The following AP3D1 variants were observed in gnomAD, a reference collection of about 807,000 sequenced individuals.
AP3D1 encodes the protein adaptor related protein complex 3 subunit delta 1.
AP3D1 carries 51 observed loss-of-function variants against 147.6 expected under a neutral mutation model. The ratio of observed to expected loss-of-function variants is 0.35; its 90% confidence interval spans 0.28 to 0.44. The LOEUF is 0.44. Among genes scored for constraint, AP3D1 ranks in the 20% least tolerant of loss-of-function variants. The pLI is 1.00. For synonymous variants in AP3D1, 760 were observed against 663.0 expected, an observed-to-expected ratio of 1.15 and a Z score of -2.25; for missense variants, 1,421 against 1,624.2, an observed-to-expected ratio of 0.87 and a Z score of 2.15.
intron 3 of AP3D1, 94 bp downstream of exon 3, chr19:2,137,633 C>A: frequency 1.8e-6 from 2 of 1,098,890 alleles, no homozygotes. Flanking sequence ...TAGACTCTGT[C>A]TCAAGAATAA....
chr19:2,118,735 C>T lies in AP3D1; in HGVS notation c.1579G>A (p.Val527Ile), dbSNP rs746784351. 3.1e-6 allele frequency: 5 copies of T among 1,613,766 alleles called. No individual in the cohort carries two copies. The South Asian group carries it at 5.5e-5, about 18-fold the overall frequency. The change falls in exon 15 of 32, where the codon GTC (valine) becomes ATC (isoleucine). Residue 527 changes from valine (V) to isoleucine (I), a missense_variant. Around this residue, in one of 6 missense-constraint regions of AP3D1, gnomAD observed 310 missense variants for 388.1 expected, o/e 0.80. Transcript: ENST00000643116. Reference protein sequence around the residue: ...HIQAVYVQNVVKLYASILQQK... With the variant: ...HIQAVYVQNVIKLYASILQQK... ...TGCAGGATGGAGGCGTAGAGCTTGA[C>T]CACGTTCTGCACATACACGGCCTGG... is the stretch of plus-strand genomic sequence containing the variant.
intron 23 of AP3D1, 42 bp from the exon 24 acceptor site, chr19:2,113,009 G>C: frequency 1.3e-6 from 2 of 1,521,788 alleles, no homozygotes; most frequent in Non-Finnish European, 1.8e-6. Flanking sequence ...GGGCAATGAG[G>C]GGCCCCACTC....
chr19:2,103,221 A>T (rs1042846861), intron 31 of AP3D1, among the ~76,000 whole-genome samples: 2 of 102,556 alleles, frequency 2.0e-5, no homozygotes, highest in Admixed American at 1.8e-4. Context: ...GCTAATTATT[A>T]AAAAAAAAAA....
intron 1 of AP3D1, among the ~76,000 whole-genome samples, chr19:2,147,883 CAA>C (rs987371717): frequency 6.7e-5 from 6 of 89,414 alleles, no homozygotes; most frequent in Non-Finnish European, 8.9e-5. Flanking sequence ...GACTTAGTCT[CAA>C]AAAAAAAAAG....
In AP3D1 at chr19:2,109,207, A is replaced by G; in HGVS notation, c.3351T>C (p.Ser1117=). The G allele has an allele frequency of 6.3e-7, 1 of 1,590,322 alleles. No homozygotes were observed. Among genetic ancestry groups the G allele is most frequent in the Non-Finnish European group, 8.5e-7 (1 of 1,169,948 alleles). ...SSYLITTPCY[S]DAFAKLLESG... is the part of the protein sequence containing the mutation. ...ACTCCAGCAACTTAGCAAAGGCGTCACTGTGGGAGGGACAGGGAGGCTGAC... is the reference window on the plus strand; with the variant it reads ...ACTCCAGCAACTTAGCAAAGGCGTCGCTGTGGGAGGGACAGGGAGGCTGAC... The change falls in exon 30 of 32, where the codon AGT becomes AGC. Residue 1117 remains serine (S), a splice_region_variant and synonymous_variant. Transcript: ENST00000643116.
chr19:2,111,096 C>A, intron 26 of AP3D1, 189 bp downstream of exon 26: 1 of 925,006 alleles, frequency 1.1e-6, no homozygotes, highest in African/African-American at 1.7e-5. Flanking sequence ...CCTGCCAGTC[C>A]AAGTCTCAGG....
chr19:2,141,798 G>C (rs1412327766), intron 1 of AP3D1, among the ~76,000 whole-genome samples: 1 of 151,106 alleles, frequency 6.6e-6, no homozygotes, highest in Non-Finnish European at 1.5e-5. Flanking sequence ...AAAGTGCAGT[G>C]GCCTAACCAT....
intron 1 of AP3D1, among the ~76,000 whole-genome samples, chr19:2,147,468 A>T (rs1198069163): frequency 1.3e-5 from 2 of 148,532 alleles, no homozygotes; most frequent in Non-Finnish European, 3.0e-5. Flanking sequence ...GGCAGGGAGA[A>T]CTGCTTGAAC....
chr19:2,104,546 G>A (rs112025171), intron 31 of AP3D1, among the ~76,000 whole-genome samples: 5,019 of 149,164 alleles, frequency 0.034, 314 homozygotes, highest in African/African-American at 0.12. Flanking sequence ...AGACCCCAAC[G>A]CCAAGACACC....
Position 2,150,859 on chromosome 19 carries a change from G to C in AP3D1, c.96+380C>G, listed in dbSNP as rs566197002. ...GCCCAGAGACCTCGCAAGTCTCCTG[G>C]GAGGGTGGCCCGAGACGGGGGCAGG... On this transcript the variant is annotated intron_variant, in intron 1 of 31. Coordinates refer to ENST00000643116, the MANE Select transcript of AP3D1 (RefSeq NM_001261826.3). Among the ~76,000 whole-genome samples, 3 of 152,314 alleles carry C rather than the reference G, an allele frequency of 2.0e-5. No homozygotes were observed. The South Asian group carries it at 6.2e-4, about 32-fold the overall frequency.
intron 1 of AP3D1, among the ~76,000 whole-genome samples, chr19:2,149,360 C>T (rs1009655172): frequency 8.5e-5 from 13 of 152,086 alleles, no homozygotes; most frequent in Admixed American, 2.0e-4. Flanking sequence ...GCCCGACCAA[C>T]ATGGTGAAAC....
Position 2,129,360 on chromosome 19 carries a change from C to A in AP3D1, c.690G>T (p.Thr230=). ...SLAPLFFKLM[T]SSTNNWVLIK... Reference sequence around the variant, plus strand: ...TGAGGACCCAGTTGTTGGTGGAGGACGTCATCAGCTTGAAAAAGAGCGGGG... The same window carrying A: ...TGAGGACCCAGTTGTTGGTGGAGGAAGTCATCAGCTTGAAAAAGAGCGGGG... The change falls in exon 7 of 32, where the codon ACG becomes ACT. Residue 230 remains threonine (T), a synonymous_variant. Transcript: ENST00000643116. 1 of 1,614,034 alleles carries A rather than the reference C, an allele frequency of 6.2e-7. No homozygotes were observed. Among genetic ancestry groups the A allele is most frequent in the Non-Finnish European group, 8.5e-7 (1 of 1,180,006 alleles).
chr19:2,107,792 G>T lies in AP3D1; in HGVS notation c.3552+895C>A, dbSNP rs144718679. ...AAAATGGTTCTACCCAGGAGAACCA[G>T]GAAAAAAGAGACACAAACCGTGACC... is the stretch of plus-strand genomic sequence containing the variant. On this transcript the variant is annotated intron_variant, in intron 31 of 31. Transcript: ENST00000643116. Among the ~76,000 whole-genome samples, 290 of 148,612 alleles carry T rather than the reference G, an allele frequency of 2.0e-3. 2 individuals carry two copies. Among genetic ancestry groups the T allele is most frequent in the Non-Finnish European group, 2.8e-3 (187 of 66,124 alleles).
At position 2,127,287 on chromosome 19, in the gene AP3D1, C is replaced by T. The variant is rs767393079; in HGVS notation, c.807-86G>A. On this transcript the variant is annotated intron_variant, in intron 8 of 31. Transcript: ENST00000643116. The stretch of plus-strand genomic sequence containing the variant: ...CCAGTGCCGGCAGCTCAGCTGGAGA[C>T]GGCCTCCGCCCCACGGCTCAGGGAG... 616 of 1,436,448 alleles carry T rather than the reference C, an allele frequency of 4.3e-4. 2 individuals carry two copies. Among genetic ancestry groups the T allele is most frequent in the Non-Finnish European group, 5.6e-4 (575 of 1,035,486 alleles). The allele number at this position is 1,436,448 out of a possible 1,614,324, so 89.0% of individuals were successfully genotyped here.
intron 3 of AP3D1, among the ~76,000 whole-genome samples, chr19:2,137,374 C>T (rs1487626388): frequency 6.6e-6 from 1 of 151,794 alleles, no homozygotes; most frequent in Non-Finnish European, 1.5e-5. Flanking sequence ...AGTGCAATGG[C>T]ACGATCTCAG....
intron 1 of AP3D1, among the ~76,000 whole-genome samples, chr19:2,163,519 C>T (rs1356226556): frequency 6.9e-6 from 1 of 144,964 alleles, no homozygotes; most frequent in Non-Finnish European, 1.5e-5. Context: ...ACCCAATAAA[C>T]AGCATTGTTG....
chr19:2,110,675 C>A, intron 27 of AP3D1, 32 bp downstream of exon 27: 1 of 1,548,926 alleles, frequency 6.5e-7, no homozygotes, highest in East Asian at 2.4e-5. Context: ...CCCACAGTCC[C>A]CAGGAGAGGC....
chr19:2,135,158 G>T (rs929770051), intron 4 of AP3D1, among the ~76,000 whole-genome samples: 1 of 152,046 alleles, frequency 6.6e-6, no homozygotes, highest in Non-Finnish European at 1.5e-5. Context: ...CCAAGATCAC[G>T]CCATTGCACT....
At chr19:2,112,732 G>T in intron 24 of AP3D1, 128 bp downstream of exon 24, 1 of 629,620 alleles carries the variant, frequency 1.6e-6, no homozygotes, top group Non-Finnish European at 2.7e-6. Flanking sequence ...AGGCCCGTGA[G>T]AACGCCAACA....
Sources: allele counts gnomAD v4.1 joint callset (sites outside exome capture counted in the v4.1 genomes callset), GRCh38; gene constraint gnomAD v4.1.1; regional missense constraint gnomAD v4.1.1; transcripts MANE v1.5; gene names NCBI Gene and HGNC (gene_info 2026-07-23, HGNC 2026-07-21).